The following FOXRED1 variants were observed in gnomAD, a reference collection of about 807,000 sequenced individuals.
FOXRED1 encodes FAD-dependent oxidoreductase domain-containing protein 1.
FOXRED1 carries 52 observed loss-of-function variants against 57.8 expected under a neutral mutation model. The ratio of observed to expected loss-of-function variants is 0.90; its 90% CI spans 0.72 to 1.13. The LOEUF (loss-of-function observed/expected upper bound fraction) is 1.13, where lower values mean the gene tolerates loss of function less well. FOXRED1 is among the 50% of genes most tolerant of loss of function. FOXRED1 has a pLI of 0.00. For missense variants in FOXRED1, 589 were observed against 625.2 expected (o/e 0.94, Z 0.62); for synonymous variants, 271 against 248.3 (o/e 1.09, Z -0.86).
rs150932515 is a variant in FOXRED1, at chr11:126,277,653, C to T, written c.1425C>T (p.Tyr475=). 2 of 1,613,634 alleles carry T rather than the reference C, an allele frequency of 1.2e-6. No individual in the cohort carries two copies. Among genetic ancestry groups the T allele is most frequent in the East Asian group, 4.5e-5 (2 of 44,896 alleles). ...DLSPFLFTRF[Y]LGEKIQENNI... ...GCCCCTTCCTCTTTACCCGCTTTTA[C>T]TTGGGAGAGAAGATCCAGGAGAACA... The change falls in exon 11 of 11, where the codon TAC becomes TAT. Residue 475 remains tyrosine, a synonymous_variant. Transcript: ENST00000263578. The surrounding 1 kb of genome is among the most constrained non-coding windows in gnomAD (Gnocchi z 6.8).
rs1951017666 is a variant in FOXRED1 at position 126,272,481 on chromosome 11, T to C, written c.307-488T>C. On this transcript the variant is annotated intron_variant, in intron 2 of 10. Coordinates refer to ENST00000263578, the MANE Select transcript of FOXRED1 (RefSeq NM_017547.4). This position sits in a 1 kb window ranked among gnomAD's most constrained non-coding sequence, Gnocchi z 4.6. The stretch of plus-strand genomic sequence containing the variant: ...CTAATTTCTGTATTTTTTGTAGAAA[T>C]GGGGTTTTGCCACGTTGCCCAGCTG... 4.3e-6 allele frequency: 1 copy of C among 234,920 alleles called. No individual in the cohort carries two copies. The highest frequency in any genetic ancestry group is 8.5e-6 in the Non-Finnish European group (1 of 117,942). 14.6% of individuals were successfully genotyped at this position (234,920 alleles called of 1,614,324 possible).
chr11:126,275,012 G>C lies in FOXRED1; in HGVS notation c.622G>C (p.Ala208Pro). The change falls in exon 5 of 11, where the codon GCG becomes CCG. Residue 208 changes from alanine (A) to proline (P), a missense_variant. Physicochemically the swap from Ala to Pro is conservative, Grantham distance 27. Coordinates refer to ENST00000263578, the MANE Select transcript of FOXRED1 (RefSeq NM_017547.4). This position sits in a 1 kb window ranked among gnomAD's most constrained non-coding sequence, Gnocchi z 5.9. ...GATAAACACAGAGGGAGTGGCTTTG[G>C]CGTCTTATGGTGAGGCTTGCTTGCA... ...PWINTEGVALASYGMEDEGWF... is the reference protein window; with the variant it reads ...PWINTEGVALPSYGMEDEGWF... 6.2e-7 allele frequency: 1 copy of C among 1,609,150 alleles called. No homozygotes were observed. Among genetic ancestry groups the C allele is most frequent in the Non-Finnish European group, 8.5e-7 (1 of 1,175,472 alleles).
In FOXRED1 at chr11:126,273,232, A is replaced by T; in HGVS notation, c.418-104A>T. 9.9e-7 allele frequency: 1 copy of T among 1,008,642 alleles called. No homozygotes were observed. Among genetic ancestry groups the T allele is most frequent in the Non-Finnish European group, 1.6e-6 (1 of 627,844 alleles). The allele number at this position is 1,008,642 out of a possible 1,614,324, so 62.5% of individuals were successfully genotyped here. A position where few individuals can be genotyped will look rare whatever the true frequency, so the allele number is the denominator to read the frequency against. On this transcript the variant is annotated intron_variant, in intron 3 of 10. Transcript: ENST00000263578. The surrounding 1 kb of genome is among the most constrained non-coding windows in gnomAD (Gnocchi z 5.9). ...GCCTTCTTCCTAGTGGTGGTGCCGCAGGTCTGGGGCACTGAGCCTGGGGAG... is the reference window on the plus strand; with the variant it reads ...GCCTTCTTCCTAGTGGTGGTGCCGCTGGTCTGGGGCACTGAGCCTGGGGAG...
intron 1 of FOXRED1, 183 bp downstream of exon 1, chr11:126,269,474 C>A (rs1460223436): frequency 2.7e-5 from 30 of 1,126,870 alleles, no homozygotes; most frequent in Non-Finnish European, 3.6e-5. Flanking sequence ...CCAAGGCGGC[C>A]CTTTTCAGGT....
At position 126,275,953 on chromosome 11, in the gene FOXRED1, C is replaced by A; in HGVS notation, c.810+83C>A. 6.4e-7 allele frequency: 1 copy of A among 1,573,072 alleles called. No individual in the cohort carries two copies. Among genetic ancestry groups the A allele is most frequent in the Non-Finnish European group, 8.7e-7 (1 of 1,143,316 alleles). On this transcript the variant is annotated intron_variant, in intron 7 of 10. Coordinates refer to ENST00000263578, the MANE Select transcript of FOXRED1 (RefSeq NM_017547.4). This position sits in a 1 kb window ranked among gnomAD's most constrained non-coding sequence, Gnocchi z 5.9. ...CTCTCCTTGTTTTGGTTTTCTTTGA[C>A]CCACTTTCCAGTATGGGTAAACTAA...
rs956401335 is a variant in FOXRED1 at position 126,277,262 on chromosome 11, G to A, written c.1206+87G>A. The A allele has an allele frequency of 7.6e-6, 9 of 1,184,708 alleles. No individual in the cohort carries two copies. The highest frequency in any genetic ancestry group is 1.2e-5 in the South Asian group (1 of 81,728). 73.4% of individuals were successfully genotyped at this position (1,184,708 alleles called of 1,614,324 possible). On this transcript the variant is annotated intron_variant, in intron 10 of 10. Coordinates refer to ENST00000263578, the MANE Select transcript of FOXRED1 (RefSeq NM_017547.4). This position sits in a 1 kb window ranked among gnomAD's most constrained non-coding sequence, Gnocchi z 6.8. ...GGAGCACATTGGTCCCCTCGGACCC[G>A]TGACTGCCGTAGTCCCTCCATGTCA... is the stretch of plus-strand genomic sequence containing the variant.
In FOXRED1 at chr11:126,271,996, C is replaced by G; in HGVS notation, c.306+339C>G. On this transcript the variant is annotated intron_variant, in intron 2 of 10. Transcript: ENST00000263578. This position sits in a 1 kb window ranked among gnomAD's most constrained non-coding sequence, Gnocchi z 5.3. ...TTTTTTTTTGAGACAGAGTCTTGCT[C>G]TGTCACCCAGGCTGGAGTGCAATGG... 1 of 332,368 alleles carries G rather than the reference C, an allele frequency of 3.0e-6. No homozygotes were observed. The highest frequency in any genetic ancestry group is 5.8e-6 in the Non-Finnish European group (1 of 171,960). 20.6% of individuals were successfully genotyped at this position (332,368 alleles called of 1,614,324 possible). A position where few individuals can be genotyped will look rare whatever the true frequency, so the allele number is the denominator to read the frequency against.
At chr11:126,269,795 T>C (rs368453398) in intron 1 of FOXRED1, among the ~76,000 whole-genome samples, 1 of 151,990 alleles carries the variant, frequency 6.6e-6, no homozygotes, top group Non-Finnish European at 1.5e-5. Context: ...GAGAGCAACC[T>C]GACCAACATG....
At chr11:126,269,560 G>T (rs1041283480) in intron 1 of FOXRED1, 2 of 657,592 alleles carry the variant, frequency 3.0e-6, no homozygotes, top group Non-Finnish European at 5.5e-6. Flanking sequence ...TGTGCATTAA[G>T]TCCTGCCCGT....
Position 126,272,909 on chromosome 11 carries a change from G to GTATTCTAGTCACAT in FOXRED1, c.307-59_307-46dup. 1.2e-6 allele frequency: 1 copy of GTATTCTAGTCACAT among 858,506 alleles called. No homozygotes were observed. The highest frequency in any genetic ancestry group is 1.3e-5 in the South Asian group (1 of 76,122). The allele number at this position is 858,506 out of a possible 1,614,324, so 53.2% of individuals were successfully genotyped here. On this transcript the variant is annotated intron_variant, in intron 2 of 10. Coordinates refer to ENST00000263578, the MANE Select transcript of FOXRED1 (RefSeq NM_017547.4). The surrounding 1 kb of genome is among the most constrained non-coding windows in gnomAD (Gnocchi z 4.6). ...TGTATAGCTCGAAGCTTTCATTGCA[G>GTATTCTAGTCACAT]TATTCTAGTCACATGTGATAGGGTA...
chr11:126,277,334 C>T lies in FOXRED1; in HGVS notation c.1207-101C>T. The stretch of plus-strand genomic sequence containing the variant: ...GACACATCCCATCCCATAGACCCCT[C>T]AGCAGCAGGTAGAGGGTACTCTGTG... On this transcript the variant is annotated intron_variant, in intron 10 of 10. Coordinates refer to ENST00000263578, the MANE Select transcript of FOXRED1 (RefSeq NM_017547.4). This position sits in a 1 kb window ranked among gnomAD's most constrained non-coding sequence, Gnocchi z 6.8. The T allele has an allele frequency of 2.8e-6, 4 of 1,439,184 alleles. No homozygotes were observed. The highest frequency in any genetic ancestry group is 3.9e-6 in the Non-Finnish European group (4 of 1,023,054). 89.2% of individuals were successfully genotyped at this position (1,439,184 alleles called of 1,614,324 possible). A position where few individuals can be genotyped will look rare whatever the true frequency, so the allele number is the denominator to read the frequency against.
intron 9 of FOXRED1, 185 bp from the exon 10 acceptor site, chr11:126,276,886 A>AG: frequency 1.7e-6 from 1 of 600,878 alleles, no homozygotes; most frequent in Admixed American, 2.9e-5. Context: ...CAAAAAAAAA[A>AG]AAAAGAAAAA....
At position 126,273,046 on chromosome 11, in the gene FOXRED1, C is replaced by T. The variant is rs1951033049; in HGVS notation, c.384C>T (p.Ser128=). 3 of 1,603,232 alleles carry T rather than the reference C, an allele frequency of 1.9e-6. No individual in the cohort carries two copies. The highest frequency in any genetic ancestry group is 1.7e-6 in the Non-Finnish European group (2 of 1,170,014). The part of the protein sequence containing the change: ...QFSLPENIQL[S]LFSASFLRNI... ...CATTGCCTGAGAACATCCAGCTCTC[C>T]CTCTTTTCAGCCAGCTTTCTACGGA... Residue 128 remains serine, a synonymous_variant, in exon 3 of 11, where the codon TCC becomes TCT. Coordinates refer to ENST00000263578, the MANE Select transcript of FOXRED1 (RefSeq NM_017547.4). This position sits in a 1 kb window ranked among gnomAD's most constrained non-coding sequence, Gnocchi z 5.9.
intron 1 of FOXRED1, among the ~76,000 whole-genome samples, chr11:126,270,204 A>G (rs1056958982): frequency 2.0e-5 from 3 of 152,230 alleles, no homozygotes; most frequent in East Asian, 3.8e-4. Context: ...GGCAAAAGCC[A>G]TCTAGATAGA....
chr11:126,275,620 A>G lies in FOXRED1; in HGVS notation c.734-174A>G. Reference sequence around the variant, plus strand: ...ATCTGCTTGATGATTGCACCTGAGCACTGTCCTGTCAGAGTGTGGCCAAGC... The same window carrying G: ...ATCTGCTTGATGATTGCACCTGAGCGCTGTCCTGTCAGAGTGTGGCCAAGC... On this transcript the variant is annotated intron_variant, in intron 6 of 10. Transcript: ENST00000263578. The surrounding 1 kb of genome is among the most constrained non-coding windows in gnomAD (Gnocchi z 5.9). 1 of 717,778 alleles carries G rather than the reference A, an allele frequency of 1.4e-6. No individual in the cohort carries two copies. Among genetic ancestry groups the G allele is most frequent in the Non-Finnish European group, 2.5e-6 (1 of 398,344 alleles). 44.5% of individuals were successfully genotyped at this position (717,778 alleles called of 1,614,324 possible). A position where few individuals can be genotyped will look rare whatever the true frequency, so the allele number is the denominator to read the frequency against.
chr11:126,276,449 G>A lies in FOXRED1; in HGVS notation c.1027G>A (p.Ala343Thr). The A allele has an allele frequency of 6.2e-7, 1 of 1,607,642 alleles. No individual in the cohort carries two copies. Among genetic ancestry groups the A allele is most frequent in the Non-Finnish European group, 8.5e-7 (1 of 1,177,242 alleles). The change falls in exon 9 of 11, where the codon GCA becomes ACA. Residue 343 changes from alanine to threonine, a missense_variant. Transcript: ENST00000263578. ...QGPGLETPLV[A>T]DTSGAYFRRE... ...ACCAGGCCTAGAGACTCCGCTTGTT[G>A]CAGACACCAGTGGAGCCTATTTTCG... is the stretch of plus-strand genomic sequence containing the variant.
rs975713425 is a variant in FOXRED1, at chr11:126,277,364, G to C, written c.1207-71G>C. On this transcript the variant is annotated intron_variant, in intron 10 of 10. Coordinates refer to ENST00000263578, the MANE Select transcript of FOXRED1 (RefSeq NM_017547.4). The surrounding 1 kb of genome is among the most constrained non-coding windows in gnomAD (Gnocchi z 6.8). The stretch of plus-strand genomic sequence containing the variant: ...GCAGGTAGAGGGTACTCTGTGCTGA[G>C]CCCTGAGGGGAGTGAGGATGGAGTG... The C allele has an allele frequency of 1.9e-6, 3 of 1,566,512 alleles. No individual in the cohort carries two copies. The highest frequency in any genetic ancestry group is 2.6e-6 in the Non-Finnish European group (3 of 1,138,490).
rs371937924 is a variant in FOXRED1, at chr11:126,276,226, G to T, written c.971+7G>T. 7 of 1,596,606 alleles carry T rather than the reference G, an allele frequency of 4.4e-6. No individual in the cohort carries two copies. In the African/African-American group the frequency reaches 6.7e-5, roughly 15 times the overall value. On this transcript the variant is annotated splice_region_variant and intron_variant, in intron 8 of 10. Transcript: ENST00000263578. ...CTGTGGAGCCGAGGAAAAGGTAACT[G>T]CCCTCCGGACAGCTGAGGAGGTTGG...
rs553840140 is a variant in FOXRED1 at position 126,277,919 on chromosome 11, A to T, written c.*230A>T. The T allele has an allele frequency of 5.9e-6, 4 of 673,296 alleles. No individual in the cohort carries two copies. In the East Asian group the frequency reaches 8.5e-5, roughly 14 times the overall value. 41.7% of individuals were successfully genotyped at this position (673,296 alleles called of 1,614,324 possible). On this transcript the variant is annotated 3_prime_UTR_variant, in exon 11 of 11. Transcript: ENST00000263578. This position sits in a 1 kb window ranked among gnomAD's most constrained non-coding sequence, Gnocchi z 6.8. ...TAGGACTGATCTGTAGCCCATGCTG[A>T]TGTCACCCACCAGGGCAATCCATCT... is the stretch of plus-strand genomic sequence containing the variant.
Sources: allele counts gnomAD v4.1 joint callset (sites outside exome capture counted in the v4.1 genomes callset), GRCh38; gene constraint gnomAD v4.1.1; non-coding constraint Gnocchi (gnomAD v3.1); transcripts MANE v1.5; gene names NCBI Gene and HGNC (gene_info 2026-07-23, HGNC 2026-07-21).